L3MBTL4: variants seen among roughly 807,000 people sequenced by gnomAD.
The protein encoded by L3MBTL4 is L3MBTL histone methyl-lysine binding protein 4.
In L3MBTL4, 70 loss-of-function variants were observed where a neutral mutation model predicts 84.5. The ratio of observed to expected loss-of-function variants is 0.83; its 90% CI spans 0.68 to 1.01. The LOEUF is 1.01. Ranked by LOEUF, L3MBTL4 falls within the 50% of genes least tolerant of loss-of-function variation. The probability of loss-of-function intolerance (pLI) is 0.00; values close to 1 mark genes in which losing one functional copy is unlikely to be tolerated. For synonymous variants in L3MBTL4, 274 were observed against 259.8 expected (o/e 1.05, Z -0.52); for missense variants, 715 against 754.8 (o/e 0.95, Z 0.62).
intron 12 of L3MBTL4, among the ~76,000 whole-genome samples, chr18:6,184,995 C>T (rs1015849725): frequency 2.0e-5 from 3 of 152,160 alleles, no homozygotes; most frequent in South Asian, 2.1e-4. Context: ...GCTATGTCAT[C>T]GCCAGATGAG....
chr18:6,047,036 T>C (rs1176786908), intron 16 of L3MBTL4, among the ~76,000 whole-genome samples: 1 of 151,604 alleles, frequency 6.6e-6, no homozygotes, highest in Non-Finnish European at 1.5e-5. Flanking sequence ...AAAATCCAAA[T>C]AAGCACAATC....
intron 5 of L3MBTL4, among the ~76,000 whole-genome samples, chr18:6,257,582 C>T (rs1207215091): frequency 6.6e-6 from 1 of 151,296 alleles, no homozygotes; most frequent in African/African-American, 2.4e-5. Flanking sequence ...ATGGAACAGA[C>T]TTAAGCATAT....
At position 5,956,299 on chromosome 18, in the gene L3MBTL4, TA is replaced by T. The variant is rs1567908316; in HGVS notation, c.1765del (p.Tyr589ThrfsTer5). 1.2e-6 allele frequency: 2 copies of T among 1,614,168 alleles called. No homozygotes were observed. Among genetic ancestry groups the T allele is most frequent in the Non-Finnish European group, 1.7e-6 (2 of 1,179,982 alleles). On this transcript the variant is annotated frameshift_variant, in exon 19 of 19. Coordinates refer to ENST00000317931, the MANE Select transcript of L3MBTL4 (RefSeq NM_001330559.2). LOFTEE classifies it low-confidence loss of function (END_TRUNC). ...KIKLGPALKIYNSILMFRHSQ... is the reference protein window; with the variant it reads ...KIKLGPALKIXNSILMFRHSQ... ...ATGCCTGAACATCAGGATAGAGTTGTAAATCTTCAGTGCTGGGCCCAGTTTG... is the reference window on the plus strand; with the variant it reads ...ATGCCTGAACATCAGGATAGAGTTGTAATCTTCAGTGCTGGGCCCAGTTTG...
At chr18:6,229,983 A>G (rs2046929156) in intron 10 of L3MBTL4, among the ~76,000 whole-genome samples, 1 of 152,158 alleles carries the variant, frequency 6.6e-6, no homozygotes, top group African/African-American at 2.4e-5. Flanking sequence ...TATAAATTTT[A>G]GGATGGATTT....
chr18:6,012,768 G>C (rs531665154), intron 16 of L3MBTL4, among the ~76,000 whole-genome samples: 1 of 152,196 alleles, frequency 6.6e-6, no homozygotes, highest in African/African-American at 2.4e-5. Flanking sequence ...GCAAGACCCT[G>C]TCTCTAAGAA....
intron 1 of L3MBTL4, among the ~76,000 whole-genome samples, chr18:6,346,838 AG>A (rs1353080968): frequency 6.6e-6 from 1 of 152,174 alleles, no homozygotes; most frequent in African/African-American, 2.4e-5. Flanking sequence ...ATATATTTAA[AG>A]GAACTAAAAT....
At chr18:6,043,561 G>C (rs960338749) in intron 16 of L3MBTL4, among the ~76,000 whole-genome samples, 12 of 152,038 alleles carry the variant, frequency 7.9e-5, no homozygotes, top group African/African-American at 2.7e-4. Flanking sequence ...GAATAAATAG[G>C]CTCTTAAGAG....
intron 1 of L3MBTL4, among the ~76,000 whole-genome samples, chr18:6,338,618 G>A (rs1429046906): frequency 6.6e-6 from 1 of 151,800 alleles, no homozygotes; most frequent in Non-Finnish European, 1.5e-5. Flanking sequence ...AGAAGACAAA[G>A]AGTTGGTGAC....
chr18:6,071,916 T>A (rs1174602513), intron 16 of L3MBTL4, among the ~76,000 whole-genome samples: 1 of 151,632 alleles, frequency 6.6e-6, no homozygotes. Flanking sequence ...GATTTACACA[T>A]AAAAATCACA....
chr18:5,986,113 TAAG>T (rs1366529394), intron 16 of L3MBTL4, among the ~76,000 whole-genome samples: 2 of 152,088 alleles, frequency 1.3e-5, no homozygotes, highest in Non-Finnish European at 1.5e-5. Context: ...GAGAATGAAA[TAAG>T]AAGGTGCTGA....
intron 5 of L3MBTL4, among the ~76,000 whole-genome samples, chr18:6,246,858 T>C (rs2047685714): frequency 6.6e-6 from 1 of 151,882 alleles, no homozygotes; most frequent in Non-Finnish European, 1.5e-5. Flanking sequence ...GAGCCAAGAT[T>C]GGGCCACTGC....
intron 13 of L3MBTL4, among the ~76,000 whole-genome samples, chr18:6,148,772 T>C (rs1232268217): frequency 6.6e-6 from 1 of 152,078 alleles, no homozygotes; most frequent in East Asian, 1.9e-4. Flanking sequence ...TGTTAAGAGT[T>C]ATTGGCATAC....
At chr18:6,250,797 T>C (rs1355066661) in intron 5 of L3MBTL4, among the ~76,000 whole-genome samples, 1 of 152,226 alleles carries the variant, frequency 6.6e-6, no homozygotes, top group African/African-American at 2.4e-5. Context: ...TATATGCAGA[T>C]GACAAAAACA....
chr18:6,163,306 TGGG>T (rs2043455724), intron 13 of L3MBTL4, among the ~76,000 whole-genome samples: 1 of 83,366 alleles, frequency 1.2e-5, no homozygotes, highest in Admixed American at 1.7e-4. Flanking sequence ...TGTGTGTGTG[TGGG>T]TGGGTGTGTA....
At chr18:6,328,750 G>T (rs1486514743) in intron 1 of L3MBTL4, among the ~76,000 whole-genome samples, 4 of 152,102 alleles carry the variant, frequency 2.6e-5, no homozygotes, top group Admixed American at 2.6e-4. Flanking sequence ...GTGGTGACAG[G>T]CGAGAAGTCA....
intron 1 of L3MBTL4, among the ~76,000 whole-genome samples, chr18:6,323,523 C>G (rs139852857): frequency 2.5e-4 from 38 of 152,296 alleles, no homozygotes; most frequent in Admixed American, 7.2e-4. Context: ...TAAGCACTAG[C>G]GAAGAGCTTT....
chr18:6,151,413 T>G (rs1217789665), intron 13 of L3MBTL4, among the ~76,000 whole-genome samples: 1 of 152,128 alleles, frequency 6.6e-6, no homozygotes, highest in African/African-American at 2.4e-5. Context: ...ATATTTGAGA[T>G]GGAGTTTTCA....
chr18:6,268,709 AATT>A (rs2048739625), intron 4 of L3MBTL4, among the ~76,000 whole-genome samples: 1 of 152,232 alleles, frequency 6.6e-6, no homozygotes, highest in Non-Finnish European at 1.5e-5. Flanking sequence ...AAAATGTTCC[AATT>A]ATTAACCTTC....
At chr18:6,410,432 C>T (rs149688318) in intron 1 of L3MBTL4, among the ~76,000 whole-genome samples, 2 of 152,274 alleles carry the variant, frequency 1.3e-5, no homozygotes, top group South Asian at 4.1e-4. Context: ...AGCGTCATGT[C>T]GGCATAGTCA....
Sources: allele counts gnomAD v4.1 joint callset (sites outside exome capture counted in the v4.1 genomes callset), GRCh38; gene constraint gnomAD v4.1.1; transcripts MANE v1.5; gene names NCBI Gene and HGNC (gene_info 2026-07-23, HGNC 2026-07-21).